The following XPA variants were observed in gnomAD, a reference collection of about 807,000 sequenced individuals.
XPA encodes DNA repair protein complementing XP-A cells.
XPA carries 27 observed loss-of-function variants against 35.7 expected under a neutral mutation model. That is an observed-to-expected ratio of 0.76 (90% CI 0.56 to 1.04). XPA has a LOEUF of 1.04. Ranked by LOEUF, XPA falls within the 50% of genes least tolerant of loss-of-function variation. XPA has a pLI of 0.00. For synonymous variants in XPA, 133 were observed against 118.4 expected (o/e 1.12, Z -0.80); for missense variants, 354 against 342.7 (o/e 1.03, Z -0.26).
At chr9:97,662,168 C>G in the XPA span, 1 of 1,570,888 alleles carries the variant, frequency 6.4e-7, no homozygotes. Context: ...CAGAGCCTTG[C>G]TTGAGAGTTT....
chr9:97,693,677 C>T lies in XPA; in HGVS notation c.255G>A (p.Gln85=). ...GTTGATGAACAACTTTTCCAATTTT[C>T]TGTTCTTCTTCTTCTTCCTCTTCTA... is the stretch of plus-strand genomic sequence containing the variant. ...FILEEEEEEE[Q]KIGKVVHQPG... The change falls in exon 2 of 6, where the codon CAG becomes CAA. Residue 85 remains glutamine, a synonymous_variant. Transcript: ENST00000375128. 1 of 1,613,522 alleles carries T rather than the reference C, an allele frequency of 6.2e-7. No homozygotes were observed. The highest frequency in any genetic ancestry group is 8.5e-7 in the Non-Finnish European group (1 of 1,179,902).
At chr9:97,680,608 T>C (rs1304711788) in intron 5 of XPA, among the ~76,000 whole-genome samples, 3 of 152,138 alleles carry the variant, frequency 2.0e-5, no homozygotes, top group African/African-American at 4.8e-5. Flanking sequence ...TGGCAAAATA[T>C]GTGTGTGTGA....
chr9:97,657,924 A>AT, the XPA span, among the ~76,000 whole-genome samples: 232 of 119,460 alleles, frequency 1.9e-3, 1 homozygote, highest in Admixed American at 3.6e-3. Context: ...ATATATATAT[A>AT]TATTTTTTTT....
the XPA span, chr9:97,669,786 T>A: frequency 2.9e-6 from 3 of 1,019,120 alleles, no homozygotes; most frequent in East Asian, 7.5e-5. Context: ...CTTGTCAAAT[T>A]TGTTAGGAGG....
the XPA span, chr9:97,661,954 T>C: frequency 1.2e-6 from 1 of 849,368 alleles, no homozygotes; most frequent in Non-Finnish European, 1.9e-6. Flanking sequence ...TGTATAGATG[T>C]GAGCAACCAT....
the XPA span, chr9:97,669,468 C>T: frequency 1.6e-6 from 1 of 642,606 alleles, no homozygotes; most frequent in Non-Finnish European, 2.8e-6. Context: ...ATAATGGAAG[C>T]TAGGCACACA....
At chr9:97,667,946 G>A in the XPA span, among the ~76,000 whole-genome samples, 3 of 152,146 alleles carry the variant, frequency 2.0e-5, no homozygotes, top group South Asian at 2.1e-4. Flanking sequence ...GTGTACCCAC[G>A]TGTCTAGAAC....
chr9:97,685,149 A>AATTTCTAATAAGT, intron 4 of XPA, 109 bp from the exon 5 acceptor site: 2 of 770,882 alleles, frequency 2.6e-6, no homozygotes, highest in Non-Finnish European at 4.2e-6. Context: ...CTCAAGTATA[A>AATTTCTAATAAGT]ATTTATAAAT....
At chr9:97,696,571 TCTC>T (rs1473434551) in intron 1 of XPA, among the ~76,000 whole-genome samples, 6 of 152,144 alleles carry the variant, frequency 3.9e-5, no homozygotes, top group African/African-American at 1.4e-4. Context: ...CTGAATCTCC[TCTC>T]CTCCACATAA....
chr9:97,656,170 T>C, the XPA span: 1 of 1,143,726 alleles, frequency 8.7e-7, no homozygotes, highest in Non-Finnish European at 1.3e-6. Flanking sequence ...TTCAGAATAT[T>C]GGATTCAAAA....
At chr9:97,678,218 T>G (rs1262638861) in intron 5 of XPA, among the ~76,000 whole-genome samples, 2 of 152,098 alleles carry the variant, frequency 1.3e-5, no homozygotes, top group South Asian at 2.1e-4. Context: ...TTGGCCAATA[T>G]GGTGAAACCC....
chr9:97,663,976 C>T, the XPA span, among the ~76,000 whole-genome samples: 3 of 151,432 alleles, frequency 2.0e-5, no homozygotes, highest in Non-Finnish European at 2.9e-5. Context: ...GCCAGGAGTT[C>T]GAGACCAGCC....
At chr9:97,678,452 C>A (rs1456300314) in intron 5 of XPA, among the ~76,000 whole-genome samples, 7 of 151,974 alleles carry the variant, frequency 4.6e-5, no homozygotes, top group African/African-American at 9.7e-5. Context: ...TCAAAAGATA[C>A]AAAAGCTAGT....
At chr9:97,679,706 T>C (rs1486679971) in intron 5 of XPA, among the ~76,000 whole-genome samples, 2 of 152,142 alleles carry the variant, frequency 1.3e-5, no homozygotes, top group East Asian at 1.9e-4. Flanking sequence ...GAGTGAAAGG[T>C]AAGGAATGAG....
At chr9:97,654,930 T>C in the XPA span, 2 of 1,609,222 alleles carry the variant, frequency 1.2e-6, no homozygotes, top group South Asian at 1.1e-5. Flanking sequence ...CAATGAACAC[T>C]ACCTGTGTAG....
At chr9:97,656,435 G>A in the XPA span, among the ~76,000 whole-genome samples, 12 of 152,140 alleles carry the variant, frequency 7.9e-5, no homozygotes, top group East Asian at 3.9e-4. Flanking sequence ...AAAAATTTGC[G>A]AGGCGTGTTG....
chr9:97,687,907 C>A (rs979323282), intron 3 of XPA, among the ~76,000 whole-genome samples: 2 of 152,074 alleles, frequency 1.3e-5, no homozygotes, highest in South Asian at 2.1e-4. Flanking sequence ...GCGAATGAAG[C>A]TGGCTTTACT....
chr9:97,696,460 TCA>T (rs1491327918), intron 1 of XPA, among the ~76,000 whole-genome samples: 1 of 152,114 alleles, frequency 6.6e-6, no homozygotes, highest in Non-Finnish European at 1.5e-5. Flanking sequence ...ATCGCAGAGG[TCA>T]CATGTCCAAG....
chr9:97,683,519 G>A (rs1828609941), intron 5 of XPA, among the ~76,000 whole-genome samples: 1 of 152,134 alleles, frequency 6.6e-6, no homozygotes, highest in Admixed American at 6.6e-5. Flanking sequence ...ATAAAAAGAT[G>A]TGTATAAGGA....
Sources: allele counts gnomAD v4.1 joint callset (sites outside exome capture counted in the v4.1 genomes callset), GRCh38; gene constraint gnomAD v4.1.1; transcripts MANE v1.5; gene names NCBI Gene and HGNC (gene_info 2026-07-23, HGNC 2026-07-21).